P2RY8: variants seen among roughly 807,000 people sequenced by gnomAD.
P2RY8 encodes the protein S-geranylgeranyl-glutathione receptor P2RY8.
P2RY8 carries 6 observed loss-of-function variants against 10.0 expected under a neutral mutation model. That is an observed-to-expected ratio of 0.60 (90% CI 0.33 to 1.19). P2RY8 has a LOEUF of 1.19. Ranked by LOEUF, P2RY8 falls within the 50% of genes most tolerant of loss-of-function variation. The pLI is 0.04. For synonymous variants in P2RY8, 276 were observed against 252.5 expected (o/e 1.09, Z -0.88); for missense variants, 456 against 542.0 (o/e 0.84, Z 1.58).
At chrX:1,529,577 A>G (rs2092459730) in intron 1 of P2RY8, among the ~76,000 whole-genome samples, 1 of 151,982 alleles carries the variant, frequency 6.6e-6, no homozygotes, top group Non-Finnish European at 1.5e-5. Flanking sequence ...TAGGCTCAAC[A>G]CAGAGAATCC....
At chrX:1,477,768 G>A (rs2091891812) in intron 1 of P2RY8, among the ~76,000 whole-genome samples, 1 of 152,188 alleles carries the variant, frequency 6.6e-6, no homozygotes, top group Non-Finnish European at 1.5e-5. Context: ...CTGCCCTCAA[G>A]CAACTGTGTG....
At chrX:1,480,649 C>T (rs1284080138) in intron 1 of P2RY8, among the ~76,000 whole-genome samples, 2 of 151,852 alleles carry the variant, frequency 1.3e-5, no homozygotes, top group Admixed American at 6.6e-5. Context: ...GGGAGGGGAA[C>T]GTCACACACC....
At chrX:1,478,021 G>T (rs2091894735) in intron 1 of P2RY8, among the ~76,000 whole-genome samples, 1 of 152,102 alleles carries the variant, frequency 6.6e-6, no homozygotes, top group Admixed American at 6.6e-5. Context: ...CATCACAGAG[G>T]AGGAGACCTG....
chrX:1,488,785 C>T (rs2092011782), intron 1 of P2RY8, among the ~76,000 whole-genome samples: 1 of 150,008 alleles, frequency 6.7e-6, no homozygotes, highest in South Asian at 2.1e-4. Context: ...TTCCCAATGA[C>T]TGTGGAGGGA....
chrX:1,536,255 G>T (rs1406075945), intron 1 of P2RY8, among the ~76,000 whole-genome samples: 2 of 151,596 alleles, frequency 1.3e-5, no homozygotes, highest in African/African-American at 4.8e-5. Flanking sequence ...TTCATGGAAT[G>T]AGTTTTTTTT....
intron 1 of P2RY8, among the ~76,000 whole-genome samples, chrX:1,517,786 C>G (rs1161364079): frequency 6.6e-6 from 1 of 152,136 alleles, no homozygotes; most frequent in Non-Finnish European, 1.5e-5. Flanking sequence ...CCCCAATATT[C>G]TCCCTGGTCC....
chrX:1,475,232 T>A (rs1372795273), intron 1 of P2RY8, among the ~76,000 whole-genome samples: 1 of 139,036 alleles, frequency 7.2e-6, no homozygotes, highest in African/African-American at 2.7e-5. Flanking sequence ...GATGGATGAG[T>A]GGGTGGATGG....
In P2RY8 at chrX:1,464,857, G is replaced by A. The variant is rs1461914279; in HGVS notation, c.*622C>T. ...AGGAGCCCCAGGCGCTCCTCTGAAAGAAGAATTCCAACCACAGCAACCACA... is the reference window on the plus strand; with the variant it reads ...AGGAGCCCCAGGCGCTCCTCTGAAAAAAGAATTCCAACCACAGCAACCACA... On this transcript the variant is annotated 3_prime_UTR_variant, in exon 2 of 2. Transcript: ENST00000381297. 8.6e-6 allele frequency: 2 copies of A among 233,672 alleles called. No individual in the cohort carries two copies. The highest frequency in any genetic ancestry group is 4.4e-5 in the African/African-American group (2 of 45,346). 14.5% of individuals were successfully genotyped at this position (233,672 alleles called of 1,614,324 possible).
At chrX:1,516,335 G>A (rs1238178876) in intron 1 of P2RY8, among the ~76,000 whole-genome samples, 18 of 152,032 alleles carry the variant, frequency 1.2e-4, no homozygotes, top group East Asian at 7.7e-4. Context: ...CAACCCTGTG[G>A]GGACACAGGG....
intron 1 of P2RY8, among the ~76,000 whole-genome samples, chrX:1,490,829 G>A (rs1314629681): frequency 6.7e-6 from 1 of 148,952 alleles, no homozygotes; most frequent in East Asian, 2.0e-4. Flanking sequence ...CAAATGTGGG[G>A]GGAATGAATG....
chrX:1,536,268 T>G (rs1188863845), intron 1 of P2RY8, among the ~76,000 whole-genome samples: 16 of 142,056 alleles, frequency 1.1e-4, no homozygotes, highest in Admixed American at 2.1e-4. Flanking sequence ...TTTTTTTTTG[T>G]TTTTTTTTTT....
At chrX:1,528,443 G>T (rs1375284928) in intron 1 of P2RY8, among the ~76,000 whole-genome samples, 1 of 152,244 alleles carries the variant, frequency 6.6e-6, no homozygotes, top group Non-Finnish European at 1.5e-5. Flanking sequence ...AGCAGCAGGC[G>T]CTGCCAGTCA....
chrX:1,466,014 G>A lies in P2RY8; in HGVS notation c.545C>T (p.Thr182Met). Residue 182 changes from threonine (T) to methionine (M), a missense_variant, in exon 2 of 2, where the codon ACG becomes ATG. Thr to Met is a moderately conservative substitution (Grantham distance 81). Transcript: ENST00000381297. ...IITCFDVLKW[T>M]MLPSVAMWAV... The stretch of plus-strand genomic sequence containing the variant: ...CCACATGGCCACGCTGGGGAGCATC[G>A]TCCACTTGAGGACGTCGAAGCAGGT... The A allele has an allele frequency of 2.5e-6, 4 of 1,612,112 alleles. No individual in the cohort carries two copies. Among genetic ancestry groups the A allele is most frequent in the Non-Finnish European group, 3.4e-6 (4 of 1,179,768 alleles).
chrX:1,503,078 A>T (rs1204349315), intron 1 of P2RY8, among the ~76,000 whole-genome samples: 1 of 151,590 alleles, frequency 6.6e-6, no homozygotes, highest in Non-Finnish European at 1.5e-5. Context: ...ATCCAATGAC[A>T]GGTGCCCTGG....
chrX:1,479,163 T>C (rs1242800151), intron 1 of P2RY8, among the ~76,000 whole-genome samples: 1 of 152,260 alleles, frequency 6.6e-6, no homozygotes, highest in African/African-American at 2.4e-5. Flanking sequence ...CTTTGGATCT[T>C]TCCCCTCCAG....
At chrX:1,531,855 G>A (rs1357677408) in intron 1 of P2RY8, among the ~76,000 whole-genome samples, 2 of 152,142 alleles carry the variant, frequency 1.3e-5, no homozygotes, top group Admixed American at 6.6e-5. Flanking sequence ...AAAGCAGAAT[G>A]TGACATCACC....
chrX:1,534,205 T>A (rs1200232888), intron 1 of P2RY8, among the ~76,000 whole-genome samples: 2 of 140,782 alleles, frequency 1.4e-5, no homozygotes, highest in Non-Finnish European at 1.5e-5. Flanking sequence ...TACATATATA[T>A]TTATATACTT....
Position 1,466,047 on chromosome X carries a change from C to T in P2RY8, c.512G>A (p.Gly171Asp), listed in dbSNP as rs753514680. Residue 171 changes from glycine to aspartate, a missense_variant, in exon 2 of 2, where the codon GGC (glycine) becomes GAC (aspartate). Gly to Asp is a moderately conservative substitution (Grantham distance 94). Transcript: ENST00000381297. ...GAGGACGTCGAAGCAGGTGATGATG[C>T]CCAGGGCGTGCACCGGGTAGGTGAG... The part of the protein sequence containing the change: ...TDLTYPVHAL[G>D]IITCFDVLKW... 64 of 1,611,628 alleles carry T rather than the reference C, an allele frequency of 4.0e-5. No homozygotes were observed. Among genetic ancestry groups the T allele is most frequent in the Non-Finnish European group, 5.2e-5 (61 of 1,179,762 alleles).
intron 1 of P2RY8, among the ~76,000 whole-genome samples, chrX:1,471,803 AC>A: frequency 6.6e-6 from 1 of 151,964 alleles, no homozygotes; most frequent in African/African-American, 2.4e-5. Context: ...CCGGTGACAG[AC>A]CCTTTTTTGC....
Sources: gnomAD v4.1 joint callset for allele counts (sites outside exome capture counted in the v4.1 genomes callset) on GRCh38, gnomAD v4.1.1 for gene constraint, MANE v1.5 for transcripts, NCBI Gene and HGNC (gene_info 2026-07-23, HGNC 2026-07-21) for gene names.